Variants in GRIK4 observed in about 807,000 individuals in gnomAD.
The protein encoded by GRIK4 is glutamate ionotropic receptor kainate type subunit 4.
A neutral mutation model predicts 104.9 loss-of-function variants in GRIK4; 40 were observed. The observed-to-expected ratio is 0.38, with a 90% CI of 0.30 to 0.50. GRIK4 has a LOEUF of 0.50. Among genes scored for constraint, GRIK4 ranks in the 20% least tolerant of loss-of-function variants. The probability of loss-of-function intolerance (pLI) is 0.93; values close to 1 mark genes in which losing one functional copy is unlikely to be tolerated. For synonymous variants in GRIK4, 485 were observed against 524.9 expected (o/e 0.92, Z 1.04); for missense variants, 1,047 against 1,308.1 (o/e 0.80, Z 3.08).
chr11:120,871,952 C>G (rs987911494), intron 9 of GRIK4: 9 of 455,352 alleles, frequency 2.0e-5, no homozygotes, highest in Non-Finnish European at 2.2e-5. Context: ...CACCCAGTTC[C>G]CCTCATAGGC....
At chr11:120,831,519 CA>C in intron 6 of GRIK4, among the ~76,000 whole-genome samples, 1 of 152,300 alleles carries the variant, frequency 6.6e-6, no homozygotes, top group East Asian at 1.9e-4. Flanking sequence ...GGTCTCTGTG[CA>C]TCCTATCCGG....
chr11:120,637,031 G>A (rs1379129041), intron 1 of GRIK4, among the ~76,000 whole-genome samples: 2 of 152,172 alleles, frequency 1.3e-5, no homozygotes. Flanking sequence ...GGACCTCAAT[G>A]CCATGGGCCT....
chr11:120,733,930 G>T (rs1463555546), intron 3 of GRIK4, among the ~76,000 whole-genome samples: 1 of 152,014 alleles, frequency 6.6e-6, no homozygotes, highest in Non-Finnish European at 1.5e-5. Context: ...TAGAGACGGG[G>T]TTTCATCATG....
chr11:120,515,217 C>G (rs1041272187), intron 1 of GRIK4, among the ~76,000 whole-genome samples: 2 of 152,176 alleles, frequency 1.3e-5, no homozygotes, highest in Admixed American at 6.5e-5. Context: ...ATTGCCCAGC[C>G]TTCAAGGTGC....
At chr11:120,739,428 G>C (rs1383560420) in intron 3 of GRIK4, among the ~76,000 whole-genome samples, 1 of 152,152 alleles carries the variant, frequency 6.6e-6, no homozygotes, top group Non-Finnish European at 1.5e-5. Flanking sequence ...CTGAGCCTGG[G>C]CCTCTTCCAG....
chr11:120,864,917 G>A lies in GRIK4; in HGVS notation c.906+2797G>A, dbSNP rs183052566. 2.8e-4 allele frequency among the ~76,000 whole-genome samples: 42 copies of A among 152,326 alleles called. 3 individuals are homozygous for A. The highest frequency in any genetic ancestry group is 3.4e-3 in the Middle Eastern group (1 of 294). ...ATACTGGCCTTGACATTTTCTCACC[G>A]TGTGATCTGAGGTAGTGACGTAACC... On this transcript the variant is annotated intron_variant, in intron 9 of 20. Coordinates refer to ENST00000527524, the MANE Select transcript of GRIK4 (RefSeq NM_014619.5).
intron 8 of GRIK4, among the ~76,000 whole-genome samples, chr11:120,860,418 C>A (rs1361746611): frequency 1.3e-5 from 2 of 152,152 alleles, no homozygotes; most frequent in African/African-American, 4.8e-5. Flanking sequence ...TCGGTGCACT[C>A]ACACCTGCAG....
intron 3 of GRIK4, among the ~76,000 whole-genome samples, chr11:120,752,958 C>G (rs1951583369): frequency 6.6e-6 from 1 of 152,248 alleles, no homozygotes; most frequent in South Asian, 2.1e-4. Context: ...GGAAGATGGC[C>G]TGGAGGTGCC....
intron 3 of GRIK4, among the ~76,000 whole-genome samples, chr11:120,714,179 C>G (rs1466989285): frequency 6.6e-6 from 1 of 152,218 alleles, no homozygotes; most frequent in African/African-American, 2.4e-5. Context: ...ATGCTATGCT[C>G]TCCCAGCCTT....
At chr11:120,822,277 AG>A (rs369198962) in intron 6 of GRIK4, among the ~76,000 whole-genome samples, 4 of 151,390 alleles carry the variant, frequency 2.6e-5, no homozygotes, top group South Asian at 4.2e-4. Flanking sequence ...GTTCTCCAGC[AG>A]GGCTTCCATG....
chr11:120,965,872 T>G (rs1944374992), intron 18 of GRIK4, among the ~76,000 whole-genome samples: 1 of 152,212 alleles, frequency 6.6e-6, no homozygotes, highest in East Asian at 1.9e-4. Flanking sequence ...CTCATCTGTT[T>G]GTTCCAAGCT....
At chr11:120,730,648 T>G (rs772963825) in intron 3 of GRIK4, among the ~76,000 whole-genome samples, 12 of 152,138 alleles carry the variant, frequency 7.9e-5, no homozygotes, top group Non-Finnish European at 1.8e-4. Flanking sequence ...CTGTAGATGC[T>G]GTGGGTAGTA....
intron 1 of GRIK4, among the ~76,000 whole-genome samples, chr11:120,512,218 G>A (rs1030067506): frequency 3.3e-5 from 5 of 151,486 alleles, no homozygotes; most frequent in African/African-American, 7.3e-5. Flanking sequence ...CGGGCTCGCG[G>A]TCCTCCCGCT....
At chr11:120,746,856 T>A (rs1225243039) in intron 3 of GRIK4, among the ~76,000 whole-genome samples, 1 of 152,184 alleles carries the variant, frequency 6.6e-6, no homozygotes, top group African/African-American at 2.4e-5. Context: ...ATGCAGTCAC[T>A]ACCCACGGAA....
In GRIK4 at chr11:120,940,426, C is replaced by T. The variant is rs773827501; in HGVS notation, c.1556C>T (p.Thr519Ile). ...KVIDFSKPFMTLGISILYRVH... is the reference protein window; with the variant it reads ...KVIDFSKPFMILGISILYRVH... ...ATTGATTTCTCTAAGCCATTCATGA[C>T]TCTGGGAATTAGCATTCTTTACCGC... The change falls in exon 14 of 21, where the codon ACT becomes ATT. Residue 519 changes from threonine to isoleucine, a missense_variant. Around this residue, in one of 3 missense-constraint regions of GRIK4, gnomAD observed 440 missense variants for 652.3 expected, o/e 0.67. Transcript: ENST00000527524. The surrounding 1 kb of genome is among the most constrained non-coding windows in gnomAD (Gnocchi z 4.3). The T allele has an allele frequency of 1.2e-6, 2 of 1,611,716 alleles. No individual in the cohort carries two copies. The highest frequency in any genetic ancestry group is 1.7e-6 in the Non-Finnish European group (2 of 1,177,830).
chr11:120,852,407 G>A (rs1487952953), intron 8 of GRIK4, among the ~76,000 whole-genome samples: 2 of 152,248 alleles, frequency 1.3e-5, no homozygotes, highest in South Asian at 2.1e-4. Context: ...AGGATATAGT[G>A]AAGGGGATAG....
At chr11:120,723,795 T>C (rs1268821904) in intron 3 of GRIK4, among the ~76,000 whole-genome samples, 2 of 151,798 alleles carry the variant, frequency 1.3e-5, no homozygotes, top group Non-Finnish European at 2.9e-5. Flanking sequence ...AGCACCTGTT[T>C]TTTTTTTAAC....
At chr11:120,978,144 A>C (rs1041794611) in intron 19 of GRIK4, among the ~76,000 whole-genome samples, 1 of 152,192 alleles carries the variant, frequency 6.6e-6, no homozygotes, top group African/African-American at 2.4e-5. Flanking sequence ...CTGAGCTATA[A>C]TGGGCCAGGT....
At chr11:120,628,174 C>T (rs893317993) in intron 1 of GRIK4, among the ~76,000 whole-genome samples, 5 of 152,172 alleles carry the variant, frequency 3.3e-5, no homozygotes, top group East Asian at 1.9e-4. Flanking sequence ...GTGAGAAACT[C>T]GGAGGCTTGG....
Sources: gnomAD v4.1 joint callset for allele counts (sites outside exome capture counted in the v4.1 genomes callset) on GRCh38, gnomAD v4.1.1 for gene constraint, gnomAD v4.1.1 regional missense constraint, Gnocchi (gnomAD v3.1) non-coding constraint, MANE v1.5 for transcripts, NCBI Gene and HGNC (gene_info 2026-07-23, HGNC 2026-07-21) for gene names.